Variants in UBE2E3 observed in about 807,000 individuals in gnomAD.
The protein encoded by UBE2E3 is ubiquitin conjugating enzyme E2 E3.
Under a neutral mutation model 23.6 loss-of-function variants are expected in UBE2E3, and 5 were observed. The ratio of observed to expected loss-of-function variants is 0.21; its 90% confidence interval spans 0.11 to 0.44. UBE2E3 has a LOEUF of 0.44. Among genes scored for constraint, UBE2E3 ranks in the 20% least tolerant of loss-of-function variants. The probability of loss-of-function intolerance (pLI) is 0.99; values close to 1 mark genes in which losing one functional copy is unlikely to be tolerated. For missense variants in UBE2E3, 81 were observed against 249.8 expected, an observed-to-expected ratio of 0.32 and a Z score of 4.55; for synonymous variants, 78 against 87.5, an observed-to-expected ratio of 0.89 and a Z score of 0.60.
At chr2:181,025,175 G>T (rs1249171562) in intron 3 of UBE2E3, among the ~76,000 whole-genome samples, 5 of 151,898 alleles carry the variant, frequency 3.3e-5, no homozygotes, top group African/African-American at 1.2e-4. Context: ...ATTAGAGTGG[G>T]TCTTGGCATT....
At chr2:181,015,226 A>G (rs1470983646) in intron 3 of UBE2E3, among the ~76,000 whole-genome samples, 1 of 152,222 alleles carries the variant, frequency 6.6e-6, no homozygotes, top group Non-Finnish European at 1.5e-5. Context: ...GCAAAAACAT[A>G]TTTAAAAATT....
intron 3 of UBE2E3, among the ~76,000 whole-genome samples, chr2:181,000,324 A>G (rs1021976836): frequency 6.6e-6 from 1 of 152,256 alleles, no homozygotes; most frequent in African/African-American, 2.4e-5. Context: ...TAATCTAAAC[A>G]TAAGATGGAT....
chr2:181,045,573 T>G (rs1419461957), intron 3 of UBE2E3, among the ~76,000 whole-genome samples: 1 of 151,988 alleles, frequency 6.6e-6, no homozygotes, highest in Non-Finnish European at 1.5e-5. Flanking sequence ...ACCTGATGAG[T>G]TTTTAAAGCT....
rs1437778615 is a variant in UBE2E3, at chr2:181,020,219, C to T, written c.245+36126C>T. On this transcript the variant is annotated intron_variant, in intron 3 of 5. Transcript: ENST00000410062. ...TAAGATGTGGACAGGGCCGTGCTCC[C>T]TCTGAAATCTGTAGGGGGAGCATCC... Among the ~76,000 whole-genome samples the T allele has an allele frequency of 1.3e-5, 2 of 152,168 alleles. 1 individual carries two copies.
Position 181,063,018 on chromosome 2 carries a change from G to GAGACAA in UBE2E3, c.*132_*133insACAAAG. The stretch of plus-strand genomic sequence containing the variant: ...GATTCTACTCTGCTTTTATCCTTTG[G>GAGACAA]AGCCTGGGAGACTCCCCAAAAAGGT... On this transcript the variant is annotated 3_prime_UTR_variant, in exon 6 of 6. Coordinates refer to ENST00000410062, the MANE Select transcript of UBE2E3 (RefSeq NM_006357.4). The surrounding 1 kb of genome is among the most constrained non-coding windows in gnomAD (Gnocchi z 4.1). The GAGACAA allele has an allele frequency of 2.2e-6, 1 of 448,846 alleles. No homozygotes were observed. The highest frequency in any genetic ancestry group is 3.9e-6 in the Non-Finnish European group (1 of 253,354). The allele number at this position is 448,846 out of a possible 1,614,324, so 27.8% of individuals were successfully genotyped here.
chr2:180,993,386 CTGCTTTAGTGTTCCA>C (rs1684728911), intron 3 of UBE2E3, among the ~76,000 whole-genome samples: 1 of 152,086 alleles, frequency 6.6e-6, no homozygotes, highest in Non-Finnish European at 1.5e-5. Flanking sequence ...AGTTTTTTTG[CTGCTTTAGTGTTCCA>C]GAGCAAATAT....
chr2:181,060,067 T>C (rs753255264), intron 4 of UBE2E3, among the ~76,000 whole-genome samples: 4 of 151,726 alleles, frequency 2.6e-5, no homozygotes, highest in Non-Finnish European at 5.9e-5. Context: ...CCTTGTTTAT[T>C]TTATTTTAAT....
intron 3 of UBE2E3, among the ~76,000 whole-genome samples, chr2:181,009,509 ATATATATT>A (rs1685252241): frequency 6.6e-6 from 1 of 151,806 alleles, no homozygotes; most frequent in African/African-American, 2.4e-5. Context: ...TAATTGGAAA[ATATATATT>A]TATACTAGGC....
chr2:180,983,388 T>G (rs1383740464), intron 2 of UBE2E3, among the ~76,000 whole-genome samples: 1 of 152,228 alleles, frequency 6.6e-6, no homozygotes, highest in East Asian at 1.9e-4. Flanking sequence ...ATCTTAAATT[T>G]GAATCAAATC....
chr2:181,006,742 T>C (rs1398374841), intron 3 of UBE2E3, among the ~76,000 whole-genome samples: 1 of 152,170 alleles, frequency 6.6e-6, no homozygotes, highest in Non-Finnish European at 1.5e-5. Flanking sequence ...CTGGGTCCTT[T>C]CATCATAAAG....
intron 3 of UBE2E3, among the ~76,000 whole-genome samples, chr2:181,046,271 C>G (rs1686671154): frequency 6.6e-6 from 1 of 152,260 alleles, no homozygotes; most frequent in East Asian, 1.9e-4. Flanking sequence ...TTTCGCAGGT[C>G]AGGGATTCCG....
In UBE2E3 at chr2:180,980,905, G is replaced by GT. The variant is rs1165292062; in HGVS notation, c.-94_-93insT. On this transcript the variant is annotated 5_prime_UTR_variant, in exon 1 of 6. The change abolishes the stop of an existing upstream ORF in the 5' untranslated region. Transcript: ENST00000410062. The surrounding 1 kb of genome is among the most constrained non-coding windows in gnomAD (Gnocchi z 5.5). ...CCACAGCTGCCTCCATTTCCTTAAG[G>GT]AAGGGTTTTTTTCTCTCTCCCTCCC... 1 of 148,072 alleles carries GT rather than the reference G, an allele frequency of 6.8e-6. No individual in the cohort carries two copies. The highest frequency in any genetic ancestry group is 1.5e-5 in the Non-Finnish European group (1 of 66,308). 9.2% of individuals were successfully genotyped at this position (148,072 alleles called of 1,614,324 possible).
chr2:181,056,450 A>AG (rs951697136), intron 3 of UBE2E3, among the ~76,000 whole-genome samples: 2 of 151,778 alleles, frequency 1.3e-5, no homozygotes, highest in African/African-American at 4.8e-5. Flanking sequence ...CACAGTGGAA[A>AG]GGCAGGCATC....
chr2:180,998,154 A>G (rs985114199), intron 3 of UBE2E3, among the ~76,000 whole-genome samples: 24 of 152,080 alleles, frequency 1.6e-4, no homozygotes, highest in East Asian at 7.7e-4. Flanking sequence ...GTTTACATCT[A>G]TTGTCTTGAC....
chr2:181,046,933 C>G (rs1159463869), intron 3 of UBE2E3, among the ~76,000 whole-genome samples: 1 of 152,076 alleles, frequency 6.6e-6, no homozygotes, highest in Non-Finnish European at 1.5e-5. Context: ...ACACAGAAAA[C>G]TATTCAGAGT....
intron 3 of UBE2E3, among the ~76,000 whole-genome samples, chr2:181,034,500 G>A (rs1686200385): frequency 6.6e-6 from 1 of 152,136 alleles, no homozygotes; most frequent in Admixed American, 6.5e-5. Context: ...ACACAGGAAG[G>A]GGAACATCAC....
At chr2:181,043,280 C>T (rs549982168) in intron 3 of UBE2E3, among the ~76,000 whole-genome samples, 1 of 152,214 alleles carries the variant, frequency 6.6e-6, no homozygotes, top group South Asian at 2.1e-4. Context: ...AAAATGAATG[C>T]TTACTAGTAG....
intron 3 of UBE2E3, among the ~76,000 whole-genome samples, chr2:181,011,272 T>G (rs1685319694): frequency 6.6e-6 from 1 of 152,026 alleles, no homozygotes. Flanking sequence ...ACCTTCTTTC[T>G]AGGATGCTGC....
chr2:180,994,610 G>T (rs944160762), intron 3 of UBE2E3, among the ~76,000 whole-genome samples: 3 of 152,154 alleles, frequency 2.0e-5, no homozygotes, highest in African/African-American at 7.2e-5. Context: ...TTTGAGTGAG[G>T]ATACAAATAA....
Sources: allele counts gnomAD v4.1 joint callset (sites outside exome capture counted in the v4.1 genomes callset), GRCh38; gene constraint gnomAD v4.1.1; non-coding constraint Gnocchi (gnomAD v3.1); transcripts MANE v1.5; gene names NCBI Gene and HGNC (gene_info 2026-07-23, HGNC 2026-07-21).